The following ARHGAP42 variants were observed in gnomAD, a reference collection of about 807,000 sequenced individuals.
ARHGAP42 encodes the protein Rho GTPase activating protein 42.
Under a neutral mutation model 125.0 loss-of-function variants are expected in ARHGAP42, and 63 were observed. That is an observed-to-expected ratio of 0.50 (90% CI 0.41 to 0.62). The LOEUF (loss-of-function observed/expected upper bound fraction) is 0.62. Among genes scored for constraint, ARHGAP42 ranks in the 20% least tolerant of loss-of-function variants. ARHGAP42 has a pLI of 0.00. For synonymous variants in ARHGAP42, 339 were observed against 351.0 expected (o/e 0.97, Z 0.38); for missense variants, 766 against 1,024.2 (o/e 0.75, Z 3.44).
At chr11:100,729,811 CTTTT>C (rs1218377976) in intron 1 of ARHGAP42, among the ~76,000 whole-genome samples, 1 of 133,668 alleles carries the variant, frequency 7.5e-6, no homozygotes, top group Non-Finnish European at 1.6e-5. Flanking sequence ...AAATTTCTTT[CTTTT>C]TTTTTTTTTT....
chr11:100,930,656 T>C (rs1303964964), intron 6 of ARHGAP42, among the ~76,000 whole-genome samples: 1 of 152,184 alleles, frequency 6.6e-6, no homozygotes, highest in Non-Finnish European at 1.5e-5. Flanking sequence ...TAGAATAATA[T>C]GAATAAGATG....
chr11:100,988,456 T>C (rs1858744181), intron 23 of ARHGAP42, among the ~76,000 whole-genome samples: 4 of 152,320 alleles, frequency 2.6e-5, no homozygotes, highest in African/African-American at 9.6e-5. Flanking sequence ...AGTATTTACA[T>C]TGTAAAAGGA....
intron 1 of ARHGAP42, among the ~76,000 whole-genome samples, chr11:100,744,675 A>G (rs1392207562): frequency 6.6e-6 from 1 of 151,960 alleles, no homozygotes; most frequent in Non-Finnish European, 1.5e-5. Context: ...TTCAGCAGTG[A>G]AGACTCTGTA....
rs1486679824 is a variant in ARHGAP42, at chr11:100,712,524, C to G, written c.154+24692C>G. On this transcript the variant is annotated intron_variant, in intron 1 of 23. Coordinates refer to ENST00000298815, the MANE Select transcript of ARHGAP42 (RefSeq NM_152432.4). ...TATTAAAGATATTTTTCTTCCTCCC[C>G]CCTTCTCCCCCCAGAAGTGGGATAA... 2.6e-5 allele frequency among the ~76,000 whole-genome samples: 4 copies of G among 152,140 alleles called. No homozygotes were observed. The East Asian group carries it at 5.8e-4, about 22-fold the overall frequency.
At chr11:100,969,805 T>C (rs937615505) in intron 17 of ARHGAP42, among the ~76,000 whole-genome samples, 6 of 152,182 alleles carry the variant, frequency 3.9e-5, no homozygotes, top group Admixed American at 3.9e-4. Flanking sequence ...GATGTTTGGG[T>C]CTGCTCACAG....
chr11:100,828,011 G>A (rs1018416984), intron 3 of ARHGAP42, among the ~76,000 whole-genome samples: 2 of 152,208 alleles, frequency 1.3e-5, no homozygotes, highest in African/African-American at 4.8e-5. Flanking sequence ...TCTGCCCACA[G>A]TCTCATCCCT....
chr11:100,706,292 T>G (rs2120221856), intron 1 of ARHGAP42, among the ~76,000 whole-genome samples: 1 of 152,348 alleles, frequency 6.6e-6, no homozygotes, highest in Middle Eastern at 3.4e-3. Context: ...GCACCAAATC[T>G]TTGGGACTCA....
rs374403118 is a variant in ARHGAP42, at chr11:100,875,869, A to G, written c.384+16244A>G. On this transcript the variant is annotated intron_variant, in intron 4 of 23. Coordinates refer to ENST00000298815, the MANE Select transcript of ARHGAP42 (RefSeq NM_152432.4). ...GCGGAAACTGTAGAATTCAGATTTC[A>G]GTGTCCATAAATAAAGTTTTATTGG... Among the ~76,000 whole-genome samples the G allele has an allele frequency of 5.3e-5, 8 of 152,316 alleles. No individual in the cohort carries two copies. In the South Asian group the frequency reaches 1.0e-3, roughly 20 times the overall value.
chr11:100,698,706 A>T (rs1341799548), intron 1 of ARHGAP42, among the ~76,000 whole-genome samples: 1 of 150,532 alleles, frequency 6.6e-6, no homozygotes, highest in Non-Finnish European at 1.5e-5. Flanking sequence ...TTTTTAAAAA[A>T]TTTATTTTTC....
intron 4 of ARHGAP42, among the ~76,000 whole-genome samples, chr11:100,891,348 T>A (rs1012007806): frequency 6.6e-6 from 1 of 152,136 alleles, no homozygotes; most frequent in African/African-American, 2.4e-5. Context: ...AAACATTTAT[T>A]ACCCGTCTGC....
At chr11:100,790,021 C>T (rs1461026730) in intron 2 of ARHGAP42, among the ~76,000 whole-genome samples, 5 of 152,106 alleles carry the variant, frequency 3.3e-5, no homozygotes, top group Admixed American at 1.3e-4. Context: ...ATTGTTGAAA[C>T]ATTTGATGGT....
chr11:100,859,553 G>T lies in ARHGAP42; in HGVS notation c.313-1G>T. 1 of 1,522,682 alleles carries T rather than the reference G, an allele frequency of 6.6e-7. No homozygotes were observed. 94.3% of individuals were successfully genotyped at this position (1,522,682 alleles called of 1,614,324 possible). A position where few individuals can be genotyped will look rare whatever the true frequency, so the allele number is the denominator to read the frequency against. On this transcript the variant is annotated splice_acceptor_variant, in intron 3 of 23. Transcript: ENST00000298815. LOFTEE classifies it high-confidence loss of function. ...TAATATATGTGCATTTTTTATTTCA[G>T]ATCCAAAACGCTAACGATGTATTAA...
intron 1 of ARHGAP42, among the ~76,000 whole-genome samples, chr11:100,708,673 A>C (rs912185452): frequency 2.0e-5 from 3 of 152,188 alleles, no homozygotes; most frequent in Non-Finnish European, 4.4e-5. Flanking sequence ...ATGATGATAA[A>C]CTTTATTATA....
chr11:100,744,111 C>T (rs933412786), intron 1 of ARHGAP42, among the ~76,000 whole-genome samples: 3 of 152,194 alleles, frequency 2.0e-5, no homozygotes, highest in African/African-American at 7.2e-5. Flanking sequence ...GCTGGGACTA[C>T]AGGCGCCTGC....
At chr11:100,957,565 T>A (rs1230079678) in intron 12 of ARHGAP42, among the ~76,000 whole-genome samples, 2 of 152,110 alleles carry the variant, frequency 1.3e-5, no homozygotes, top group African/African-American at 4.8e-5. Flanking sequence ...AAACTACTCT[T>A]TCAGTCAAAG....
intron 1 of ARHGAP42, among the ~76,000 whole-genome samples, chr11:100,747,698 C>A (rs1862336550): frequency 6.6e-6 from 1 of 152,172 alleles, no homozygotes; most frequent in African/African-American, 2.4e-5. Context: ...TCCTTATAAT[C>A]CCGTTTACCA....
intron 4 of ARHGAP42, among the ~76,000 whole-genome samples, chr11:100,902,244 T>C (rs927675325): frequency 6.6e-6 from 1 of 152,198 alleles, no homozygotes; most frequent in African/African-American, 2.4e-5. Flanking sequence ...AATGCTGATT[T>C]TGAGAAAGGT....
intron 6 of ARHGAP42, among the ~76,000 whole-genome samples, chr11:100,924,071 A>G (rs1867352913): frequency 6.6e-6 from 1 of 152,136 alleles, no homozygotes; most frequent in African/African-American, 2.4e-5. Flanking sequence ...TTTATTCTTT[A>G]GAAATCCAAT....
At position 100,899,718 on chromosome 11, in the gene ARHGAP42, T is replaced by C. The variant is rs563850626; in HGVS notation, c.385-13734T>C. ...TTTGTTTTTTTTGTTTTGTTTTGTGTTTTGTTTTTTTTTTTGTTTTTTTTT... is the reference window on the plus strand; with the variant it reads ...TTTGTTTTTTTTGTTTTGTTTTGTGCTTTGTTTTTTTTTTTGTTTTTTTTT... On this transcript the variant is annotated intron_variant, in intron 4 of 23. Transcript: ENST00000298815. 3.1e-3 allele frequency among the ~76,000 whole-genome samples: 227 copies of C among 74,238 alleles called. 1 individual carries two copies. The highest frequency in any genetic ancestry group is 0.019 in the African/African-American group (218 of 11,368). The allele number at this position is 74,238 out of a possible 152,430, so 48.7% of individuals were successfully genotyped here.
Sources: allele counts gnomAD v4.1 joint callset (sites outside exome capture counted in the v4.1 genomes callset), GRCh38; gene constraint gnomAD v4.1.1; transcripts MANE v1.5; gene names NCBI Gene and HGNC (gene_info 2026-07-23, HGNC 2026-07-21).